Variants in FRMPD4 observed in about 807,000 individuals in gnomAD.
FRMPD4 encodes FERM and PDZ domain containing 4, also known as FERM and PDZ domain-containing protein 4.
A neutral mutation model predicts 94.1 loss-of-function variants in FRMPD4; 22 were observed. That is an observed-to-expected ratio of 0.23 (90% confidence interval 0.17 to 0.33). The LOEUF is 0.33. Among genes scored for constraint, FRMPD4 ranks in the 10% least tolerant of loss-of-function variants. The probability of loss-of-function intolerance (pLI) is 1.00; values close to 1 mark genes in which losing one functional copy is unlikely to be tolerated. For synonymous variants in FRMPD4, 631 were observed against 548.6 expected, an observed-to-expected ratio of 1.15 and a Z score of -2.10; for missense variants, 1,111 against 1,339.9, an observed-to-expected ratio of 0.83 and a Z score of 2.67.
chrX:12,338,571 C>G, intron 1 of FRMPD4, among the ~76,000 whole-genome samples: 1 of 111,833 alleles, frequency 8.9e-6, no homozygotes, highest in Non-Finnish European at 1.9e-5. Context: ...TTAAAAAGTA[C>G]AAATTGATAG....
chrX:11,873,097 G>T (rs1335002830), intron 2 of FRMPD4, among the ~76,000 whole-genome samples: 1 of 111,740 alleles, frequency 8.9e-6, no homozygotes, highest in Non-Finnish European at 1.9e-5. Flanking sequence ...CCCCACTGTT[G>T]AAGACTACAC....
At position 12,085,800 on chromosome X, in the gene FRMPD4, T is replaced by C. The variant is rs138765955; in HGVS notation, c.95+207782T>C. Among the ~76,000 whole-genome samples, 504 of 111,408 alleles carry C rather than the reference T, an allele frequency of 4.5e-3. 2 individuals are homozygous for C. Among genetic ancestry groups the C allele is most frequent in the Non-Finnish European group, 7.2e-3 (380 of 53,073 alleles). On this transcript the variant is annotated intron_variant, in intron 3 of 18. Transcript: ENST00000640291. The stretch of plus-strand genomic sequence containing the variant: ...GGGAGGATCACTGAAGCCCAAGAGG[T>C]TGAGGCTGTGGTGAACTGTGATTGC...
At chrX:12,197,836 T>C (rs190956440) in intron 1 of FRMPD4, among the ~76,000 whole-genome samples, 18 of 112,422 alleles carry the variant, frequency 1.6e-4, no homozygotes, top group Non-Finnish European at 3.0e-4. Flanking sequence ...GGTATTTCTG[T>C]ATTTCTTTTA....
At chrX:12,505,878 C>T (rs2057979207) in intron 2 of FRMPD4, among the ~76,000 whole-genome samples, 1 of 111,869 alleles carries the variant, frequency 8.9e-6, no homozygotes, top group Admixed American at 9.5e-5. Flanking sequence ...TGAATAAAGC[C>T]TTGTTATCAA....
chrX:12,452,524 T>TTGTC (rs2057284424), intron 1 of FRMPD4, among the ~76,000 whole-genome samples: 1 of 112,057 alleles, frequency 8.9e-6, no homozygotes, highest in African/African-American at 3.2e-5. Context: ...GTAATCTGCA[T>TTGTC]TGTCAGTCCC....
At chrX:12,268,879 G>A (rs977548829) in intron 1 of FRMPD4, among the ~76,000 whole-genome samples, 1 of 111,932 alleles carries the variant, frequency 8.9e-6, no homozygotes, top group Non-Finnish European at 1.9e-5. Flanking sequence ...TGGAAGTTTG[G>A]CCATATCCTG....
intron 3 of FRMPD4, among the ~76,000 whole-genome samples, chrX:11,882,997 A>G (rs2053822381): frequency 8.9e-6 from 1 of 111,796 alleles, no homozygotes; most frequent in Non-Finnish European, 1.9e-5. Flanking sequence ...TCATTCATCC[A>G]TTATTAAATT....
chrX:12,419,445 C>G (rs1197653387), intron 1 of FRMPD4, among the ~76,000 whole-genome samples: 1 of 112,297 alleles, frequency 8.9e-6, no homozygotes, highest in Non-Finnish European at 1.9e-5. Context: ...AAAGATATGA[C>G]TTATGAAATA....
intron 3 of FRMPD4, among the ~76,000 whole-genome samples, chrX:12,084,932 A>G (rs112089464): frequency 0.02 from 2,295 of 112,245 alleles, 16 homozygotes; most frequent in African/African-American, 0.027. Flanking sequence ...GGGAAAAGAC[A>G]GTTGTTTGGA....
chrX:12,153,313 A>G (rs1213269968), intron 1 of FRMPD4, among the ~76,000 whole-genome samples: 1 of 112,102 alleles, frequency 8.9e-6, no homozygotes, highest in Non-Finnish European at 1.9e-5. Flanking sequence ...TCTGTTCACT[A>G]AAGGGGACAA....
intron 1 of FRMPD4, among the ~76,000 whole-genome samples, chrX:12,391,874 C>T (rs1277399251): frequency 9.0e-6 from 1 of 110,652 alleles, no homozygotes; most frequent in Non-Finnish European, 1.9e-5. Context: ...AGTGTTCCAG[C>T]TGCATGAATG....
At chrX:11,856,250 G>A (rs889529937) in intron 1 of FRMPD4, among the ~76,000 whole-genome samples, 2 of 111,796 alleles carry the variant, frequency 1.8e-5, no homozygotes, top group African/African-American at 6.5e-5. Flanking sequence ...AATTCAAGAT[G>A]AGATTTAGGT....
In FRMPD4 at chrX:12,712,606, C is replaced by A. The variant is rs2042006772; in HGVS notation, c.1609+2069C>A. On this transcript the variant is annotated intron_variant, in intron 14 of 16. Coordinates refer to ENST00000675598, the MANE Select transcript of FRMPD4 (RefSeq NM_001368397.1). ...TAGAAACACAGAAAGGAGAGAAAGA[C>A]AGAACATGAGGCAAAGAAAGCTCCT... Among the ~76,000 whole-genome samples, 3 of 111,047 alleles carry A rather than the reference C, an allele frequency of 2.7e-5. No individual in the cohort carries two copies. In the Admixed American group the frequency reaches 2.9e-4, roughly 11 times the overall value.
chrX:12,223,138 A>G (rs752624956), intron 1 of FRMPD4, among the ~76,000 whole-genome samples: 1 of 112,165 alleles, frequency 8.9e-6, no homozygotes, highest in Non-Finnish European at 1.9e-5. Flanking sequence ...GTTCTACCAT[A>G]AAGACACATA....
In FRMPD4 at chrX:12,705,526, C is replaced by A. The variant is rs1050162967; in HGVS notation, c.1197+1041C>A. Among the ~76,000 whole-genome samples the A allele has an allele frequency of 4.0e-5, 4 of 101,133 alleles. 1 individual carries two copies. The highest frequency in any genetic ancestry group is 3.9e-4 in the Admixed American group (4 of 10,137). 87.8% of individuals were successfully genotyped at this position (101,133 alleles called of 115,157 possible). ...TTATTTCTATCCCCTCCTCACCCCA[C>A]GACAATTTTTTTTTTTAAGTATAAT... On this transcript the variant is annotated intron_variant, in intron 11 of 16. Coordinates refer to ENST00000675598, the MANE Select transcript of FRMPD4 (RefSeq NM_001368397.1).
At chrX:12,533,264 C>G (rs1005759047) in intron 2 of FRMPD4, among the ~76,000 whole-genome samples, 1 of 112,342 alleles carries the variant, frequency 8.9e-6, no homozygotes, top group African/African-American at 3.2e-5. Flanking sequence ...CTTTCAGCTT[C>G]CAGCGTGATC....
chrX:12,694,331 C>A lies in FRMPD4; in HGVS notation c.814-4C>A. The A allele has an allele frequency of 8.3e-7, 1 of 1,197,651 alleles. No individual in the cohort carries two copies. On this transcript the variant is annotated splice_polypyrimidine_tract_variant and splice_region_variant and intron_variant, in intron 8 of 16. Transcript: ENST00000675598. ...GTTCTTGTGTGATTGGTCTACTCTT[C>A]CAGGTGACACAGAGGCCCAGCTCCC...
intron 2 of FRMPD4, among the ~76,000 whole-genome samples, chrX:12,512,618 A>G (rs1448814019): frequency 8.9e-6 from 1 of 112,658 alleles, no homozygotes; most frequent in East Asian, 2.8e-4. Flanking sequence ...TATCCAGTCT[A>G]TCATTGATGG....
At chrX:12,680,786 G>A (rs1274555663) in intron 5 of FRMPD4, among the ~76,000 whole-genome samples, 1 of 110,961 alleles carries the variant, frequency 9.0e-6, no homozygotes, top group Non-Finnish European at 1.9e-5. Flanking sequence ...ACATAAAATG[G>A]GCATGCTACA....
Sources: allele counts gnomAD v4.1 joint callset (sites outside exome capture counted in the v4.1 genomes callset), GRCh38; gene constraint gnomAD v4.1.1; transcripts MANE v1.5; gene names NCBI Gene and HGNC (gene_info 2026-07-23, HGNC 2026-07-21).